CCDC134: variants seen among roughly 807,000 people sequenced by gnomAD.
The protein encoded by CCDC134 is coiled-coil domain containing 134.
A neutral mutation model predicts 25.6 loss-of-function variants in CCDC134; 27 were observed. The observed-to-expected ratio is 1.05, with a 90% CI of 0.78 to 1.45. The LOEUF (loss-of-function observed/expected upper bound fraction) is 1.45, where lower values mean the gene tolerates loss of function less well. CCDC134 is among the 40% of genes most tolerant of loss of function. CCDC134 has a pLI of 0.00. For synonymous variants in CCDC134, 110 were observed against 115.0 expected, an observed-to-expected ratio of 0.96 and a Z score of 0.28; for missense variants, 261 against 286.7, an observed-to-expected ratio of 0.91 and a Z score of 0.65.
At chr22:41,816,818 T>A (rs2148315071) in intron 6 of CCDC134, among the ~76,000 whole-genome samples, 1 of 152,274 alleles carries the variant, frequency 6.6e-6, no homozygotes, top group African/African-American at 2.4e-5. Flanking sequence ...CTCAGGAGGC[T>A]GAGGCAGGAG....
chr22:41,815,613 A>G (rs996303239), intron 6 of CCDC134, among the ~76,000 whole-genome samples: 3 of 152,088 alleles, frequency 2.0e-5, no homozygotes, highest in African/African-American at 7.2e-5. Context: ...TAAGATTACT[A>G]TCAACTATAT....
At position 41,826,706 on chromosome 22, in the gene CCDC134, A is replaced by G. The variant is rs2076681374; in HGVS notation, c.*883A>G. On this transcript the variant is annotated 3_prime_UTR_variant, in exon 7 of 7. Coordinates refer to ENST00000255784, the MANE Select transcript of CCDC134 (RefSeq NM_024821.5). ...GCCGTGCTCCGCAATGGCTGCCCTA[A>G]GCTGCATGGGTCAGACAGCTTCCCG... 1.3e-5 allele frequency among the ~76,000 whole-genome samples: 2 copies of G among 152,188 alleles called. No individual in the cohort carries two copies. The highest frequency in any genetic ancestry group is 2.9e-5 in the Non-Finnish European group (2 of 68,034).
In CCDC134 at chr22:41,810,268, C is replaced by T; in HGVS notation, c.287C>T (p.Pro96Leu). 6.2e-7 allele frequency: 1 copy of T among 1,614,034 alleles called. No individual in the cohort carries two copies. The highest frequency in any genetic ancestry group is 8.5e-7 in the Non-Finnish European group (1 of 1,179,984). ...GATGTGCTCCCAGATGGGCCCTTCC[C>T]CCAGGACGAGAAGCTGAAGGATGGT... ...AADVLPDGPFPQDEKLKDAFS... is the reference protein window; with the variant it reads ...AADVLPDGPFLQDEKLKDAFS... Residue 96 changes from proline (P) to leucine (L), a missense_variant, in exon 4 of 7, where the codon CCC (proline) becomes CTC (leucine). By Grantham distance (98) the Pro-to-Leu change is moderately conservative (BLOSUM62 -3). Transcript: ENST00000255784.
At chr22:41,802,030 G>T (rs1233535029) in intron 1 of CCDC134, among the ~76,000 whole-genome samples, 3 of 152,190 alleles carry the variant, frequency 2.0e-5, no homozygotes, top group African/African-American at 4.8e-5. Flanking sequence ...CTCACAGAAA[G>T]ATTTTTCTGT....
chr22:41,807,384 A>G lies in CCDC134; in HGVS notation c.-16-1491A>G, dbSNP rs530192942. Among the ~76,000 whole-genome samples the G allele has an allele frequency of 5.3e-5, 8 of 152,204 alleles. No individual in the cohort carries two copies. The South Asian group carries it at 1.0e-3, about 20-fold the overall frequency. On this transcript the variant is annotated intron_variant, in intron 1 of 6. Transcript: ENST00000255784. ...TCAAGACTAGCCTGGGCAATGTAGC[A>G]AAACCCACGTCTAAGAAAAATACAA...
intron 6 of CCDC134, among the ~76,000 whole-genome samples, chr22:41,818,597 G>A (rs2076633768): frequency 6.6e-6 from 1 of 152,172 alleles, no homozygotes; most frequent in Non-Finnish European, 1.5e-5. Context: ...CTGAGTACTT[G>A]GGGGAACCTG....
chr22:41,814,987 C>T (rs1334804839), intron 6 of CCDC134, among the ~76,000 whole-genome samples: 1 of 152,048 alleles, frequency 6.6e-6, no homozygotes, highest in East Asian at 1.9e-4. Flanking sequence ...CAAATGTGCT[C>T]TTTGGGAAGA....
At chr22:41,819,333 C>T (rs965306715) in intron 6 of CCDC134, among the ~76,000 whole-genome samples, 3 of 152,178 alleles carry the variant, frequency 2.0e-5, no homozygotes, top group Admixed American at 6.5e-5. Context: ...AGTTCTAATC[C>T]GGTGTAACTG....
chr22:41,808,783 A>G (rs549736420), intron 1 of CCDC134, 92 bp from the exon 2 acceptor site: 1 of 987,566 alleles, frequency 1.0e-6, no homozygotes, highest in East Asian at 2.5e-5. Flanking sequence ...AGGCTGCACT[A>G]TGTCGGGGGA....
rs762689374 is a variant in CCDC134 at position 41,826,165 on chromosome 22, C to T, written c.*342C>T. ...CTGGCTTCCGCCCTTGGTGGGGAAG[C>T]AGCAGAACTAGGTTCTGAGCCACGG... On this transcript the variant is annotated 3_prime_UTR_variant, in exon 7 of 7. Coordinates refer to ENST00000255784, the MANE Select transcript of CCDC134 (RefSeq NM_024821.5). The T allele has an allele frequency of 7.9e-5, 18 of 228,596 alleles. No individual in the cohort carries two copies. Among genetic ancestry groups the T allele is most frequent in the Non-Finnish European group, 1.2e-4 (14 of 112,922 alleles). 14.2% of individuals were successfully genotyped at this position (228,596 alleles called of 1,614,324 possible).
rs1312841991 is a variant in CCDC134, at chr22:41,830,481, C to T, written c.*4658C>T. Among the ~76,000 whole-genome samples the T allele has an allele frequency of 2.0e-5, 3 of 152,136 alleles. No homozygotes were observed. Among genetic ancestry groups the T allele is most frequent in the African/African-American group, 7.2e-5 (3 of 41,416 alleles). On this transcript the variant is annotated 3_prime_UTR_variant, in exon 7 of 7. Transcript: ENST00000255784. Reference sequence around the variant, plus strand: ...ATCCCCCCAGAGTACCAGTCACACACCAGTGTGAGGGGCCTTGCAAGAGCC... The same window carrying T: ...ATCCCCCCAGAGTACCAGTCACACATCAGTGTGAGGGGCCTTGCAAGAGCC...
rs1245640273 is a variant in CCDC134 at position 41,825,175 on chromosome 22, G to A, written c.565-523G>A. On this transcript the variant is annotated intron_variant, in intron 6 of 6. Coordinates refer to ENST00000255784, the MANE Select transcript of CCDC134 (RefSeq NM_024821.5). This position sits in a 1 kb window ranked among gnomAD's most constrained non-coding sequence, Gnocchi z 4.4. ...AACCACACAGGCCAACAGAAGCTAT[G>A]AGTTAGACGAGACAATCTGGAGAGA... 1.3e-5 allele frequency among the ~76,000 whole-genome samples: 2 copies of A among 152,120 alleles called. No homozygotes were observed. Among genetic ancestry groups the A allele is most frequent in the Non-Finnish European group, 1.5e-5 (1 of 68,016 alleles).
chr22:41,810,622 A>C (rs779461516), intron 4 of CCDC134, among the ~76,000 whole-genome samples: 1 of 150,108 alleles, frequency 6.7e-6, no homozygotes, highest in East Asian at 2.0e-4. Flanking sequence ...CAGCCTCCCA[A>C]GTAGCTGGGA....
chr22:41,827,450 A>G lies in CCDC134; in HGVS notation c.*1627A>G, dbSNP rs2076685075. Among the ~76,000 whole-genome samples the G allele has an allele frequency of 6.6e-6, 1 of 152,180 alleles. No homozygotes were observed. ...GGTGTCCAGGTTCTTGATGTCTTGAACAAAGAATTGGGCAAAATGCACAAA... is the reference window on the plus strand; with the variant it reads ...GGTGTCCAGGTTCTTGATGTCTTGAGCAAAGAATTGGGCAAAATGCACAAA... On this transcript the variant is annotated 3_prime_UTR_variant, in exon 7 of 7. Transcript: ENST00000255784.
intron 6 of CCDC134, among the ~76,000 whole-genome samples, chr22:41,814,377 C>T (rs928744012): frequency 2.0e-5 from 3 of 152,190 alleles, no homozygotes; most frequent in East Asian, 3.9e-4. Flanking sequence ...ACTAGCCTGG[C>T]CAATATGGTG....
rs2076709486 is a variant in CCDC134, at chr22:41,831,449, A to C, written c.*5626A>C. On this transcript the variant is annotated 3_prime_UTR_variant, in exon 7 of 7. Coordinates refer to ENST00000255784, the MANE Select transcript of CCDC134 (RefSeq NM_024821.5). ...TGATCTGCACACCTCGGCCTCCTAA[A>C]GTGCTGGAATTACCGGTGTGAGCCA... 6.6e-6 allele frequency: 1 copy of C among 152,258 alleles called. No individual in the cohort carries two copies. Among genetic ancestry groups the C allele is most frequent in the African/African-American group, 2.4e-5 (1 of 41,460 alleles). 9.4% of individuals were successfully genotyped at this position (152,258 alleles called of 1,614,324 possible).
In CCDC134 at chr22:41,831,615, C is replaced by T. The variant is rs2076711376; in HGVS notation, c.*5792C>T. 1 of 152,268 alleles carries T rather than the reference C, an allele frequency of 6.6e-6. No homozygotes were observed. The highest frequency in any genetic ancestry group is 2.1e-4 in the South Asian group (1 of 4,836). The allele number at this position is 152,268 out of a possible 1,614,324, so 9.4% of individuals were successfully genotyped here. ...GCCTTTGTCCATGTCATCATTTCCC[C>T]TTTGGCTGTAACAGCTGCAGTTCTC... On this transcript the variant is annotated 3_prime_UTR_variant, in exon 7 of 7. Coordinates refer to ENST00000255784, the MANE Select transcript of CCDC134 (RefSeq NM_024821.5).
intron 6 of CCDC134, among the ~76,000 whole-genome samples, chr22:41,819,154 A>G (rs897314691): frequency 3.9e-5 from 6 of 152,066 alleles, no homozygotes; most frequent in African/African-American, 1.4e-4. Context: ...CTCCCCTCAC[A>G]TACTCCCTCC....
intron 1 of CCDC134, among the ~76,000 whole-genome samples, chr22:41,808,668 T>C (rs2076579536): frequency 6.6e-6 from 1 of 152,136 alleles, no homozygotes; most frequent in Admixed American, 6.6e-5. Flanking sequence ...CACTTATCTT[T>C]CTCCCCACCT....
Sources: gnomAD v4.1 joint callset for allele counts (sites outside exome capture counted in the v4.1 genomes callset) on GRCh38, gnomAD v4.1.1 for gene constraint, Gnocchi (gnomAD v3.1) non-coding constraint, MANE v1.5 for transcripts, NCBI Gene and HGNC (gene_info 2026-07-23, HGNC 2026-07-21) for gene names.